PCDH15: variants seen among roughly 807,000 people sequenced by gnomAD.
The protein encoded by PCDH15 is protocadherin related 15.
In PCDH15, 129 loss-of-function variants were observed where a neutral mutation model predicts 178.5. That is an observed-to-expected ratio of 0.72 (90% CI 0.63 to 0.84). PCDH15 has a LOEUF of 0.84. Ranked by LOEUF, PCDH15 falls within the 40% of genes least tolerant of loss-of-function variation. PCDH15 has a pLI of 0.00. For missense variants in PCDH15, 2,230 were observed against 2,099.9 expected, an observed-to-expected ratio of 1.06 and a Z score of -1.21; for synonymous variants, 800 against 732.0, an observed-to-expected ratio of 1.09 and a Z score of -1.50.
At chr10:54,236,691 G>T in intron 9 of PCDH15, 132 bp downstream of exon 9, 1 of 798,192 alleles carries the variant, frequency 1.3e-6, no homozygotes, top group Non-Finnish European at 2.1e-6. Flanking sequence ...TTTAAAATGT[G>T]TTTATACACA....
In PCDH15 at chr10:53,806,045, A is replaced by ATAAT. The variant is rs36051955; in HGVS notation, c.*530_*533dup. On this transcript the variant is annotated 3_prime_UTR_variant, in exon 38 of 38. Coordinates refer to ENST00000644397, the MANE Select transcript of PCDH15 (RefSeq NM_001384140.1). Reference sequence around the variant, plus strand: ...AAAGAAAACAAGCTCATGATTTAAAATAATTAATTATTTACAGGTGATTCC... The same window carrying ATAAT: ...AAAGAAAACAAGCTCATGATTTAAAATAATTAATTAATTATTTACAGGTGATTCC... 57,080 of 152,208 alleles carry ATAAT rather than the reference A, an allele frequency of 0.38. 12,874 individuals are homozygous for ATAAT. Among genetic ancestry groups the ATAAT allele is most frequent in the East Asian group, 0.93 (4,750 of 5,120 alleles). The allele number at this position is 152,208 out of a possible 1,614,324, so 9.4% of individuals were successfully genotyped here. A position where few individuals can be genotyped will look rare whatever the true frequency, so the allele number is the denominator to read the frequency against.
rs1485202297 is a variant in PCDH15, at chr10:54,133,956, G to A, written c.1785-949C>T. Among the ~76,000 whole-genome samples, 2 of 103,318 alleles carry A rather than the reference G, an allele frequency of 1.9e-5. 1 individual carries two copies. The highest frequency in any genetic ancestry group is 4.5e-3 in the East Asian group (2 of 440). The allele number at this position is 103,318 out of a possible 152,430, so 67.8% of individuals were successfully genotyped here. A position where few individuals can be genotyped will look rare whatever the true frequency, so the allele number is the denominator to read the frequency against. ...GTACAAACATACCACCACTGCCTAA[G>A]ATGTATGCTTTGAATTTAACAAAGT... On this transcript the variant is annotated intron_variant, in intron 14 of 37. Transcript: ENST00000644397.
intron 2 of PCDH15, among the ~76,000 whole-genome samples, chr10:55,413,245 TG>T (rs1838387666): frequency 6.6e-6 from 1 of 151,726 alleles, no homozygotes; most frequent in African/African-American, 2.4e-5. Flanking sequence ...TTCACATATT[TG>T]TTGAGCACTT....
chr10:55,061,504 A>G (rs149825697), intron 2 of PCDH15, among the ~76,000 whole-genome samples: 162 of 152,294 alleles, frequency 1.1e-3, no homozygotes, highest in African/African-American at 3.9e-3. Flanking sequence ...AGCTTTTTAC[A>G]ACATTAAACA....
intron 6 of PCDH15, among the ~76,000 whole-genome samples, chr10:54,332,115 C>T (rs182092896): frequency 6.7e-6 from 1 of 149,178 alleles, no homozygotes; most frequent in Admixed American, 6.9e-5. Context: ...GAGCCCGGAT[C>T]TGTGTTGTCT....
intron 1 of PCDH15, among the ~76,000 whole-genome samples, chr10:54,666,023 T>G (rs141774780): frequency 6.6e-6 from 1 of 152,084 alleles, no homozygotes; most frequent in Non-Finnish European, 1.5e-5. Flanking sequence ...AGCATCTTTG[T>G]CTCACATTTC....
upstream of PCDH15, among the ~76,000 whole-genome samples, chr10:55,321,173 T>C (rs1051598437): frequency 1.3e-5 from 2 of 150,908 alleles, no homozygotes; most frequent in Admixed American, 6.6e-5. Flanking sequence ...TCTGATAGAG[T>C]TGAAAAACTC....
chr10:54,579,411 CA>C, intron 2 of PCDH15, among the ~76,000 whole-genome samples: 1 of 152,188 alleles, frequency 6.6e-6, no homozygotes, highest in East Asian at 1.9e-4. Context: ...TAAATAATGA[CA>C]AAGGGTTCAA....
At chr10:53,888,784 C>G (rs1051740753) in intron 26 of PCDH15, among the ~76,000 whole-genome samples, 2 of 140,380 alleles carry the variant, frequency 1.4e-5, no homozygotes, top group Non-Finnish European at 1.5e-5. Flanking sequence ...AGCCAACAAA[C>G]CTTGAAGACA....
At position 54,422,151 on chromosome 10, in the gene PCDH15, C is replaced by T. The variant is rs192965305; in HGVS notation, c.158-43209G>A. Among the ~76,000 whole-genome samples, 825 of 151,596 alleles carry T rather than the reference C, an allele frequency of 5.4e-3. 4 individuals are homozygous for T. The highest frequency in any genetic ancestry group is 9.3e-3 in the Non-Finnish European group (635 of 67,920). On this transcript the variant is annotated intron_variant, in intron 3 of 37. Transcript: ENST00000644397. ...TGCCGAGGTCATTTTCTTAGAGTTG[C>T]AAGAGCATAGGAGAAAGTCAAGGGA...
intron 3 of PCDH15, among the ~76,000 whole-genome samples, chr10:54,828,560 T>C (rs1953169265): frequency 6.6e-6 from 1 of 151,998 alleles, no homozygotes; most frequent in Non-Finnish European, 1.5e-5. Context: ...GAAATAATGG[T>C]AATAATGCAT....
intron 2 of PCDH15, among the ~76,000 whole-genome samples, chr10:54,659,459 G>T (rs1220605174): frequency 6.6e-6 from 1 of 152,046 alleles, no homozygotes; most frequent in African/African-American, 2.4e-5. Flanking sequence ...AATAACATTA[G>T]AAATATATAT....
intron 9 of PCDH15, among the ~76,000 whole-genome samples, chr10:54,221,587 T>C (rs2052815745): frequency 6.6e-6 from 1 of 151,272 alleles, no homozygotes; most frequent in African/African-American, 2.5e-5. Context: ...GGATCATTTA[T>C]ATAGTATGTA....
intron 14 of PCDH15, among the ~76,000 whole-genome samples, chr10:54,136,786 C>T (rs532357776): frequency 1.3e-4 from 20 of 152,254 alleles, no homozygotes; most frequent in South Asian, 6.2e-4. Context: ...CCAACATGAC[C>T]GTCTCCTTGA....
At chr10:55,194,888 T>C (rs1450248838) in intron 1 of PCDH15, among the ~76,000 whole-genome samples, 1 of 152,118 alleles carries the variant, frequency 6.6e-6, no homozygotes, top group African/African-American at 2.4e-5. Context: ...CTTCTCTATA[T>C]GTTTATATAC....
intron 2 of PCDH15, among the ~76,000 whole-genome samples, chr10:55,560,709 T>C (rs111956794): frequency 4.6e-5 from 7 of 151,924 alleles, no homozygotes; most frequent in African/African-American, 1.7e-4. Context: ...TTTGTTGACA[T>C]TGTATTTATT....
chr10:54,842,203 T>A (rs201924048), intron 3 of PCDH15, among the ~76,000 whole-genome samples: 4 of 138,742 alleles, frequency 2.9e-5, no homozygotes, highest in Non-Finnish European at 4.8e-5. Flanking sequence ...TGTGTGTGTG[T>A]GAGACAGAGA....
At chr10:54,309,009 G>T (rs2060726809) in intron 8 of PCDH15, among the ~76,000 whole-genome samples, 1 of 152,004 alleles carries the variant, frequency 6.6e-6, no homozygotes, top group Admixed American at 6.6e-5. Context: ...AAGGCTGTGG[G>T]CAGTTTGGGA....
chr10:53,878,907 T>G (rs181868310), intron 26 of PCDH15, among the ~76,000 whole-genome samples: 1 of 152,274 alleles, frequency 6.6e-6, no homozygotes, highest in Non-Finnish European at 1.5e-5. Flanking sequence ...TCTCTAAGGC[T>G]TTGCTCCTCA....
Sources: allele counts gnomAD v4.1 joint callset (sites outside exome capture counted in the v4.1 genomes callset), GRCh38; gene constraint gnomAD v4.1.1; transcripts MANE v1.5; gene names NCBI Gene and HGNC (gene_info 2026-07-23, HGNC 2026-07-21).